RSPH10B2: variants seen among roughly 807,000 people sequenced by gnomAD.
RSPH10B2 encodes the protein radial spoke head 10 homolog B2, also known as radial spoke head 10 homolog B2 (Chlamydomonas).
A neutral mutation model predicts 49.0 loss-of-function variants in RSPH10B2; 9 were observed. The ratio of observed to expected loss-of-function variants is 0.18; its 90% CI spans 0.11 to 0.32. The LOEUF (loss-of-function observed/expected upper bound fraction) is 0.32. Ranked by LOEUF, RSPH10B2 falls within the 10% of genes least tolerant of loss-of-function variation. RSPH10B2 has a pLI of 1.00. For missense variants in RSPH10B2, 95 were observed against 589.9 expected (o/e 0.16, Z 8.69); for synonymous variants, 35 against 210.2 (o/e 0.17, Z 7.21).
intron 13 of RSPH10B2, among the ~76,000 whole-genome samples, chr7:6,782,399 C>T (rs1781974224): frequency 3.2e-5 from 4 of 126,192 alleles, no homozygotes; most frequent in African/African-American, 1.3e-4. Flanking sequence ...ATAAAAAAAT[C>T]ATAGCCGGGC....
intron 4 of RSPH10B2, among the ~76,000 whole-genome samples, chr7:6,764,709 TGTG>T (rs1468631619): frequency 8.4e-5 from 1 of 11,934 alleles, no homozygotes; most frequent in Non-Finnish European, 2.0e-4. Flanking sequence ...TTGTTGTTGT[TGTG>T]TGTGTGTGTG....
At position 6,797,371 on chromosome 7, in the gene RSPH10B2, G is replaced by A. The variant is rs1156950815; in HGVS notation, c.2432+605G>A. On this transcript the variant is annotated intron_variant, in intron 18 of 18. Coordinates refer to ENST00000297186, the Ensembl canonical transcript of RSPH10B2. ...GACTCTTTGGGGTAATGACTATGTT[G>A]AGATGACTGGTAGCCAGGGGAGGGG... 2.6e-5 allele frequency among the ~76,000 whole-genome samples: 4 copies of A among 151,820 alleles called. No individual in the cohort carries two copies. The East Asian group carries it at 7.8e-4, about 30-fold the overall frequency.
At chr7:6,784,862 G>A (rs1447175573) in intron 13 of RSPH10B2, among the ~76,000 whole-genome samples, 3 of 75,640 alleles carry the variant, frequency 4.0e-5, no homozygotes, top group Admixed American at 1.6e-4. Flanking sequence ...CACCGCGCCC[G>A]GCCCCACATA....
chr7:6,783,215 A>G (rs541853577), intron 13 of RSPH10B2, among the ~76,000 whole-genome samples: 1 of 113,524 alleles, frequency 8.8e-6, no homozygotes, highest in East Asian at 2.7e-4. Context: ...ATTTTTTAGT[A>G]GAGACAGTGT....
chr7:6,796,855 T>C (rs62453638), intron 18 of RSPH10B2, 89 bp downstream of exon 20: 154,758 of 945,598 alleles, frequency 0.16, 23,749 homozygotes, highest in South Asian at 0.31. Context: ...GACCAAGTGC[T>C]TTCCGGACAA....
At chr7:6,797,111 C>T (rs1373331140) in intron 18 of RSPH10B2, among the ~76,000 whole-genome samples, 6 of 142,182 alleles carry the variant, frequency 4.2e-5, no homozygotes, top group East Asian at 2.1e-4. Flanking sequence ...CGGGTTCAAG[C>T]GATTCTCTTG....
At chr7:6,754,130 C>T (rs1447196487), upstream of RSPH10B2, 1 of 137,628 alleles carries the variant, frequency 7.3e-6, no homozygotes, top group Non-Finnish European at 1.6e-5. Context: ...AGCCCGGCAA[C>T]ACCTCAGCCC....
chr7:6,791,126 T>C, intron 16 of RSPH10B2, among the ~76,000 whole-genome samples: 1 of 137,040 alleles, frequency 7.3e-6, no homozygotes, highest in Non-Finnish European at 1.5e-5. Context: ...CTCAGCCTCC[T>C]GAGTAGCTAG....
At chr7:6,767,195 G>C (rs1364348237) in intron 6 of RSPH10B2, among the ~76,000 whole-genome samples, 5 of 19,112 alleles carry the variant, frequency 2.6e-4, no homozygotes, top group Admixed American at 1.6e-3. Flanking sequence ...GGTTGGTTTC[G>C]AACTCCGGAC....
chr7:6,780,369 T>A lies in RSPH10B2; in HGVS notation c.1530-440T>A, dbSNP rs548529277. ...GCAAAAGTGGTTTTATATCTTTTTT[T>A]AAAAAAACTTTTATTTACATATTTA... On this transcript the variant is annotated intron_variant, in intron 11 of 18. Coordinates refer to ENST00000297186, the Ensembl canonical transcript of RSPH10B2. Among the ~76,000 whole-genome samples, 60 of 123,588 alleles carry A rather than the reference T, an allele frequency of 4.9e-4. 5 individuals carry two copies. The highest frequency in any genetic ancestry group is 1.3e-3 in the African/African-American group (45 of 33,716). 81.1% of individuals were successfully genotyped at this position (123,588 alleles called of 152,430 possible).
chr7:6,791,906 CA>C lies in RSPH10B2; in HGVS notation c.2144del (p.Lys715ArgfsTer6). 2.2e-6 allele frequency: 1 copy of C among 445,418 alleles called. No homozygotes were observed. The highest frequency in any genetic ancestry group is 3.8e-6 in the Non-Finnish European group (1 of 263,992). The allele number at this position is 445,418 out of a possible 1,614,324, so 27.6% of individuals were successfully genotyped here. Reference sequence around the variant, plus strand: ...ATGATTTTTTTAAAATGCAAAAGCCCAAGATCAAGAAGTCTGTAAGTCATGA... The same window carrying C: ...ATGATTTTTTTAAAATGCAAAAGCCCAGATCAAGAAGTCTGTAAGTCATGA... On this transcript the variant is annotated frameshift_variant, in exon 17 of 19. Transcript: ENST00000297186. LOFTEE classifies it high-confidence loss of function.
intron 18 of RSPH10B2, among the ~76,000 whole-genome samples, chr7:6,797,402 G>C (rs181142916): frequency 2.7e-3 from 418 of 152,148 alleles, no homozygotes; most frequent in African/African-American, 9.5e-3. Flanking sequence ...AGGGGCCCTC[G>C]ATAGCTTCTC....
chr7:6,764,505 T>C (rs1158139294), intron 4 of RSPH10B2, among the ~76,000 whole-genome samples: 7 of 149,926 alleles, frequency 4.7e-5, no homozygotes, highest in South Asian at 2.2e-4. Flanking sequence ...GGACTACAGG[T>C]GTGCACCACC....
intron 13 of RSPH10B2, among the ~76,000 whole-genome samples, chr7:6,781,743 CGT>C (rs1491348253): frequency 4.5e-5 from 5 of 110,318 alleles, no homozygotes; most frequent in Non-Finnish European, 3.7e-5. Flanking sequence ...CCATGGCATG[CGT>C]ATATATATAT....
chr7:6,791,734 ACT>A, intron 16 of RSPH10B2, among the ~76,000 whole-genome samples, 168 bp from the exon 19 acceptor site: 1 of 105,760 alleles, frequency 9.5e-6, no homozygotes, highest in Non-Finnish European at 1.8e-5. Context: ...ACAGAGCAAG[ACT>A]CTGTCTCAAA....
At chr7:6,768,055 G>T (rs896999611) in intron 6 of RSPH10B2, among the ~76,000 whole-genome samples, 1 of 146,362 alleles carries the variant, frequency 6.8e-6, no homozygotes, top group East Asian at 2.0e-4. Context: ...AGCCGGGAGT[G>T]GTCTCTGGTG....
chr7:6,757,971 G>C lies in RSPH10B2; in HGVS notation c.254+40G>C, dbSNP rs1444464078. On this transcript the variant is annotated intron_variant, in intron 1 of 18. Coordinates refer to ENST00000297186, the Ensembl canonical transcript of RSPH10B2. ...GGTGCCATCGGGTATAACACTGCCA[G>C]TCAGGCGGTTTATCTTATTTTATTT... 3 of 1,612,782 alleles carry C rather than the reference G, an allele frequency of 1.9e-6. No individual in the cohort carries two copies. In the African/African-American group the frequency reaches 4.0e-5, roughly 22 times the overall value.
intron 13 of RSPH10B2, among the ~76,000 whole-genome samples, chr7:6,784,676 T>C: frequency 8.1e-6 from 1 of 123,624 alleles, no homozygotes. Context: ...AGTGATTCCC[T>C]TGCCTCAGCC....
Position 6,795,538 on chromosome 7 carries a change from C to T in RSPH10B2, c.2234-1030C>T, listed in dbSNP as rs1296374949. On this transcript the variant is annotated intron_variant, in intron 17 of 18. Coordinates refer to ENST00000297186, the Ensembl canonical transcript of RSPH10B2. ...CTGTAATCCCAGCACTTTGGGAGGC[C>T]GAGATGGGAGGATTACTAGAGCTCA... 1.0e-4 allele frequency among the ~76,000 whole-genome samples: 11 copies of T among 107,708 alleles called. No homozygotes were observed. In the East Asian group the frequency reaches 2.3e-3, roughly 23 times the overall value. The allele number at this position is 107,708 out of a possible 152,430, so 70.7% of individuals were successfully genotyped here.
Sources: allele counts gnomAD v4.1 joint callset (sites outside exome capture counted in the v4.1 genomes callset), GRCh38; gene constraint gnomAD v4.1.1; transcripts MANE v1.5; gene names NCBI Gene and HGNC (gene_info 2026-07-23, HGNC 2026-07-21).